The following JMJD1C variants were observed in gnomAD, a reference collection of about 807,000 sequenced individuals.
JMJD1C encodes the protein jumonji domain-containing protein 1C.
JMJD1C carries 31 observed loss-of-function variants against 245.3 expected under a neutral mutation model. The ratio of observed to expected loss-of-function variants is 0.13; its 90% CI spans 0.09 to 0.17. The LOEUF (loss-of-function observed/expected upper bound fraction) is 0.17, where lower values mean the gene tolerates loss of function less well. JMJD1C is among the 10% of genes least tolerant of loss of function. The pLI, the probability that JMJD1C is intolerant of heterozygous loss-of-function variation, is 1.00. For synonymous variants in JMJD1C, 1,057 were observed against 1,017.4 expected (o/e 1.04, Z -0.74); for missense variants, 2,691 against 3,000.2 (o/e 0.90, Z 2.41).
At chr10:63,263,954 ACAC>A in intron 3 of JMJD1C, among the ~76,000 whole-genome samples, 2 of 71,594 alleles carry the variant, frequency 2.8e-5, no homozygotes, top group African/African-American at 1.4e-4. Flanking sequence ...AAAAAAAAAT[ACAC>A]ATACACACAC....
At chr10:63,261,353 G>A (rs1295285425) in intron 3 of JMJD1C, among the ~76,000 whole-genome samples, 2 of 152,138 alleles carry the variant, frequency 1.3e-5, no homozygotes, top group Non-Finnish European at 2.9e-5. Context: ...GCCAAGGCGG[G>A]GTGGATCATC....
intron 1 of JMJD1C, among the ~76,000 whole-genome samples, chr10:63,473,475 G>C (rs1460038381): frequency 6.6e-6 from 1 of 151,400 alleles, no homozygotes; most frequent in Non-Finnish European, 1.5e-5. Flanking sequence ...TCGAACTCCT[G>C]ACCTCAAGTG....
At chr10:63,327,297 A>G (rs1027663347) in intron 2 of JMJD1C, among the ~76,000 whole-genome samples, 6 of 152,240 alleles carry the variant, frequency 3.9e-5, no homozygotes, top group Non-Finnish European at 7.3e-5. Context: ...CTATGTAAAC[A>G]TGCTTCACCT....
intron 3 of JMJD1C, among the ~76,000 whole-genome samples, chr10:63,228,287 A>G (rs772075026): frequency 2.6e-5 from 4 of 152,188 alleles, no homozygotes; most frequent in Non-Finnish European, 5.9e-5. Flanking sequence ...GCATTCTATG[A>G]AATTTGAATT....
intron 2 of JMJD1C, among the ~76,000 whole-genome samples, chr10:63,280,877 C>G (rs888675771): frequency 6.6e-6 from 1 of 151,866 alleles, no homozygotes; most frequent in African/African-American, 2.4e-5. Context: ...TAAAGTAAAC[C>G]AAGTAGGCTG....
At chr10:63,465,993 C>G (rs1038268736), upstream of JMJD1C, 2 of 298,626 alleles carry the variant, frequency 6.7e-6, no homozygotes, top group Non-Finnish European at 1.3e-5. Flanking sequence ...GTCTCCCTCC[C>G]CGGGCAGCGG....
intron 2 of JMJD1C, among the ~76,000 whole-genome samples, chr10:63,357,497 G>C (rs112097934): frequency 6.6e-6 from 1 of 151,880 alleles, no homozygotes; most frequent in Non-Finnish European, 1.5e-5. Flanking sequence ...GTAGAGACGG[G>C]GTTTCACCAT....
chr10:63,173,439 C>T (rs1842577549), intron 24 of JMJD1C, among the ~76,000 whole-genome samples: 1 of 152,096 alleles, frequency 6.6e-6, no homozygotes, highest in African/African-American at 2.4e-5. Flanking sequence ...TGGAAAAAAC[C>T]AGCCAGGTGG....
intron 3 of JMJD1C, among the ~76,000 whole-genome samples, chr10:63,248,679 T>G (rs183701472): frequency 2.6e-5 from 4 of 152,110 alleles, no homozygotes; most frequent in Non-Finnish European, 4.4e-5. Context: ...TGGAAACTTC[T>G]CAGAAAACTA....
At chr10:63,337,727 T>C (rs1461338326) in intron 2 of JMJD1C, among the ~76,000 whole-genome samples, 1 of 152,134 alleles carries the variant, frequency 6.6e-6, no homozygotes, top group Non-Finnish European at 1.5e-5. Context: ...GATTCCCTCA[T>C]TCTTCCTACC....
At position 63,214,471 on chromosome 10, in the gene JMJD1C, C is replaced by T; in HGVS notation, c.1696G>A (p.Val566Ile). ...AGATCCACTTTAACTACATCACTGA[C>T]CCAGCTCTGGTCAGAATCTTTTTTT... ...TAKKDSDQSW[V>I]SDVVKVDLTQ... Residue 566 changes from valine to isoleucine, a missense_variant, in exon 8 of 26, where the codon GTC (valine) becomes ATC (isoleucine). By Grantham distance (29) the Val-to-Ile change is conservative (BLOSUM62 3). Around this residue, in one of 9 missense-constraint regions of JMJD1C, gnomAD observed 1,562 missense variants for 1,490.7 expected, o/e 1.05. Coordinates refer to ENST00000399262, the MANE Select transcript of JMJD1C (RefSeq NM_032776.3). The T allele has an allele frequency of 6.2e-7, 1 of 1,614,024 alleles. No homozygotes were observed. The highest frequency in any genetic ancestry group is 8.5e-7 in the Non-Finnish European group (1 of 1,180,006).
intron 2 of JMJD1C, among the ~76,000 whole-genome samples, chr10:63,368,735 G>A (rs1015623131): frequency 6.6e-6 from 1 of 152,064 alleles, no homozygotes; most frequent in Non-Finnish European, 1.5e-5. Flanking sequence ...TGCCCTGGCC[G>A]GAGTGTAGTC....
At chr10:63,296,025 T>TTTC (rs1859393676) in intron 2 of JMJD1C, among the ~76,000 whole-genome samples, 2 of 129,834 alleles carry the variant, frequency 1.5e-5, no homozygotes, top group African/African-American at 2.9e-5. Context: ...TTTTTTTTTT[T>TTTC]TCTTAGATGG....
intron 24 of JMJD1C, among the ~76,000 whole-genome samples, chr10:63,175,032 G>A (rs572087935): frequency 3.3e-5 from 5 of 152,190 alleles, no homozygotes; most frequent in South Asian, 4.1e-4. Context: ...CACTACCTAG[G>A]TTAACTTTAT....
At chr10:63,341,669 C>T (rs1943392507) in intron 2 of JMJD1C, among the ~76,000 whole-genome samples, 1 of 152,182 alleles carries the variant, frequency 6.6e-6, no homozygotes, top group African/African-American at 2.4e-5. Flanking sequence ...TTTTCTTATT[C>T]CTTCAACTGT....
intron 1 of JMJD1C, among the ~76,000 whole-genome samples, chr10:63,483,094 C>G (rs563882652): frequency 4.7e-4 from 72 of 152,176 alleles, no homozygotes; most frequent in African/African-American, 1.7e-3. Flanking sequence ...TGTAAAGTAA[C>G]TATATGTCAA....
chr10:63,168,058 A>G lies in JMJD1C; in HGVS notation c.7610T>C (p.Met2537Thr). 1 of 1,582,208 alleles carries G rather than the reference A, an allele frequency of 6.3e-7. No homozygotes were observed. The highest frequency in any genetic ancestry group is 8.7e-7 in the Non-Finnish European group (1 of 1,151,620). Residue 2537 changes from methionine (M) to threonine (T), a missense_variant, in exon 26 of 26, where the codon ATG becomes ACG. Around this residue, in one of 9 missense-constraint regions of JMJD1C, gnomAD observed 27 missense variants for 18.4 expected, o/e 1.47. Transcript: ENST00000399262. ...ACTGGATCACACTTAATTTTCTTCC[A>G]TATCCTCTACTTCATCCTCGTGTAT... is the stretch of plus-strand genomic sequence containing the variant. ...LKIHEDEVED[M>T]EEN is the part of the protein sequence containing the mutation.
intron 21 of JMJD1C, 117 bp downstream of exon 21, chr10:63,184,491 C>G (rs750248198): frequency 3.6e-5 from 30 of 844,180 alleles, no homozygotes; most frequent in Non-Finnish European, 5.2e-5. Context: ...ATTCACCCGC[C>G]TTAGCCTCCC....
At chr10:63,200,818 G>C (rs72829179) in intron 10 of JMJD1C, 141 bp from the exon 11 acceptor site, 23,617 of 693,232 alleles carry the variant, frequency 0.034, 597 homozygotes, top group African/African-American at 0.11. Flanking sequence ...AGAGCTCTAG[G>C]TACTGATTAA....
Sources: gnomAD v4.1 joint callset for allele counts (sites outside exome capture counted in the v4.1 genomes callset) on GRCh38, gnomAD v4.1.1 for gene constraint, gnomAD v4.1.1 regional missense constraint, MANE v1.5 for transcripts, NCBI Gene and HGNC (gene_info 2026-07-23, HGNC 2026-07-21) for gene names.